The following GPC6 variants were observed in gnomAD, a reference collection of about 807,000 sequenced individuals.
GPC6 encodes the protein glypican 6.
A neutral mutation model predicts 55.2 loss-of-function variants in GPC6; 14 were observed. That is an observed-to-expected ratio of 0.25 (90% CI 0.17 to 0.40). GPC6 has a LOEUF of 0.40. GPC6 is among the 10% of genes least tolerant of loss of function. The pLI, the probability that GPC6 is intolerant of heterozygous loss-of-function variation, is 1.00. For missense variants in GPC6, 641 were observed against 708.5 expected (o/e 0.90, Z 1.08); for synonymous variants, 278 against 259.6 (o/e 1.07, Z -0.68).
At chr13:93,711,025 C>G (rs1883037256) in intron 2 of GPC6, among the ~76,000 whole-genome samples, 1 of 151,760 alleles carries the variant, frequency 6.6e-6, no homozygotes, top group Admixed American at 6.6e-5. Flanking sequence ...TTATTAAAAT[C>G]ACCTGAATAT....
intron 2 of GPC6, among the ~76,000 whole-genome samples, chr13:93,552,466 T>C (rs531109208): frequency 4.0e-5 from 6 of 150,608 alleles, no homozygotes; most frequent in Admixed American, 1.3e-4. Context: ...TCCTCCTCCT[T>C]TCTCTGTCTC....
chr13:93,968,633 C>T (rs780255631), intron 3 of GPC6, among the ~76,000 whole-genome samples: 39 of 152,106 alleles, frequency 2.6e-4, no homozygotes, highest in Non-Finnish European at 3.4e-4. Flanking sequence ...AATAGCCATA[C>T]ACTTTCATAT....
intron 1 of GPC6, among the ~76,000 whole-genome samples, chr13:93,462,815 G>A (rs1479225796): frequency 6.6e-6 from 1 of 151,934 alleles, no homozygotes; most frequent in Admixed American, 6.6e-5. Flanking sequence ...GAATCAAAGG[G>A]GAAGCTCCAC....
intron 1 of GPC6, among the ~76,000 whole-genome samples, chr13:93,435,898 T>A (rs1255139308): frequency 2.6e-5 from 4 of 152,206 alleles, no homozygotes; most frequent in South Asian, 4.1e-4. Flanking sequence ...GTGAGATATA[T>A]GATGTCTCAG....
intron 2 of GPC6, among the ~76,000 whole-genome samples, chr13:93,602,026 C>T (rs900524677): frequency 6.6e-6 from 1 of 151,998 alleles, no homozygotes; most frequent in Non-Finnish European, 1.5e-5. Context: ...GTTAATGGCC[C>T]CCATGTGATT....
intron 1 of GPC6, among the ~76,000 whole-genome samples, chr13:93,314,754 T>TGTGTGTGTGTGTGCGCGC (rs1555290021): frequency 3.3e-5 from 5 of 149,294 alleles, no homozygotes; most frequent in African/African-American, 1.2e-4. Flanking sequence ...TGTGTGTGTG[T>TGTGTGTGTGTGTGCGCGC]GTGCACGCAT....
At chr13:93,423,452 AT>A (rs1277965972) in intron 1 of GPC6, among the ~76,000 whole-genome samples, 3 of 152,178 alleles carry the variant, frequency 2.0e-5, no homozygotes, top group Admixed American at 1.3e-4. Context: ...CTGTTTCAGA[AT>A]TTTTTCCTTT....
At chr13:93,729,359 C>A (rs1883747418) in intron 2 of GPC6, among the ~76,000 whole-genome samples, 1 of 152,250 alleles carries the variant, frequency 6.6e-6, no homozygotes, top group East Asian at 1.9e-4. Flanking sequence ...AGATTCACAG[C>A]ATTAGGTGCT....
intron 6 of GPC6, among the ~76,000 whole-genome samples, chr13:94,324,814 T>C (rs1877029365): frequency 6.6e-6 from 1 of 152,130 alleles, no homozygotes; most frequent in Non-Finnish European, 1.5e-5. Context: ...CCTATAGTCG[T>C]TCACCAAATA....
intron 5 of GPC6, 58 bp downstream of exon 5, chr13:94,286,537 T>A: frequency 6.8e-7 from 1 of 1,475,286 alleles, no homozygotes. Context: ...TGCAATAACC[T>A]AAAAACGAAG....
chr13:93,454,499 G>A (rs1164923630), intron 1 of GPC6, among the ~76,000 whole-genome samples: 4 of 150,608 alleles, frequency 2.7e-5, no homozygotes, highest in Admixed American at 2.0e-4. Context: ...GGCCCCACCA[G>A]AGTAGCTAGA....
At chr13:93,352,131 G>A (rs1880652997) in intron 1 of GPC6, among the ~76,000 whole-genome samples, 1 of 152,120 alleles carries the variant, frequency 6.6e-6, no homozygotes, top group Non-Finnish European at 1.5e-5. Flanking sequence ...CTTTTGAGGT[G>A]ATAAGAATAT....
chr13:93,401,518 G>T (rs1310040731), intron 1 of GPC6, among the ~76,000 whole-genome samples: 1 of 124,702 alleles, frequency 8.0e-6, no homozygotes, highest in Non-Finnish European at 1.9e-5. Flanking sequence ...ATTTAGATTA[G>T]GTTGCACTAA....
chr13:93,980,453 C>T (rs1880745533), intron 3 of GPC6, among the ~76,000 whole-genome samples: 1 of 151,964 alleles, frequency 6.6e-6, no homozygotes, highest in Admixed American at 6.6e-5. Context: ...TAAAAGGAGC[C>T]CAGAAAGAAT....
rs61094312 is a variant in GPC6, at chr13:93,561,426, T to TATATATATATATATATATATATATA, written c.319+16005_319+16006insATATATATATATATATATATATATA. Among the ~76,000 whole-genome samples the TATATATATATATATATATATATATA allele has an allele frequency of 1.0e-3, 144 of 143,384 alleles. 1 individual carries two copies. Among genetic ancestry groups the TATATATATATATATATATATATATA allele is most frequent in the Non-Finnish European group, 1.3e-3 (82 of 65,224 alleles). The allele number at this position is 143,384 out of a possible 152,430, so 94.1% of individuals were successfully genotyped here. A position where few individuals can be genotyped will look rare whatever the true frequency, so the allele number is the denominator to read the frequency against. ...ATCGATATATATATATATATATATA[T>TATATATATATATATATATATATATA]TTGTTGCAGTTCTTATATTCTAATA... On this transcript the variant is annotated intron_variant, in intron 2 of 8. Coordinates refer to ENST00000377047, the MANE Select transcript of GPC6 (RefSeq NM_005708.5).
At chr13:94,171,177 A>G (rs1888557370) in intron 4 of GPC6, among the ~76,000 whole-genome samples, 1 of 152,308 alleles carries the variant, frequency 6.6e-6, no homozygotes, top group African/African-American at 2.4e-5. Flanking sequence ...ACCTAACAGT[A>G]CTGATTCTGC....
intron 4 of GPC6, among the ~76,000 whole-genome samples, chr13:94,072,273 A>G (rs949142004): frequency 1.3e-5 from 2 of 152,268 alleles, no homozygotes; most frequent in Non-Finnish European, 2.9e-5. Flanking sequence ...CCATAACACA[A>G]ATGTTTCAAA....
chr13:93,509,905 G>T (rs1490755008), intron 1 of GPC6, among the ~76,000 whole-genome samples: 4 of 152,094 alleles, frequency 2.6e-5, no homozygotes. Flanking sequence ...TGATTCTTAG[G>T]CGCCTGTGCA....
intron 1 of GPC6, among the ~76,000 whole-genome samples, chr13:93,510,074 A>T (rs1880890298): frequency 6.6e-6 from 1 of 152,158 alleles, no homozygotes; most frequent in Non-Finnish European, 1.5e-5. Flanking sequence ...GAAATTAAAC[A>T]TTATGTCTGT....
Sources: gnomAD v4.1 joint callset for allele counts (sites outside exome capture counted in the v4.1 genomes callset) on GRCh38, gnomAD v4.1.1 for gene constraint, MANE v1.5 for transcripts, NCBI Gene and HGNC (gene_info 2026-07-23, HGNC 2026-07-21) for gene names.